GALNT17: variants seen among roughly 807,000 people sequenced by gnomAD.
The protein encoded by GALNT17 is UDP-GalNAc:polypeptide N-acetylgalactosaminyltransferase-like 3.
GALNT17 carries 29 observed loss-of-function variants against 63.7 expected under a neutral mutation model. The ratio of observed to expected loss-of-function variants is 0.46; its 90% confidence interval spans 0.34 to 0.62. The LOEUF is 0.62. Ranked by LOEUF, GALNT17 falls within the 20% of genes least tolerant of loss-of-function variation. The pLI, the probability that GALNT17 is intolerant of heterozygous loss-of-function variation, is 0.01. For missense variants in GALNT17, 603 were observed against 799.6 expected (o/e 0.75, Z 2.97); for synonymous variants, 305 against 318.3 (o/e 0.96, Z 0.45).
intron 1 of GALNT17, among the ~76,000 whole-genome samples, chr7:71,194,420 G>A (rs1413482241): frequency 2.0e-5 from 3 of 152,186 alleles, no homozygotes; most frequent in African/African-American, 7.2e-5. Flanking sequence ...TAAGAAAAGG[G>A]TAGGGGAGTT....
chr7:71,215,978 G>A (rs1789469639), intron 1 of GALNT17, among the ~76,000 whole-genome samples: 1 of 152,060 alleles, frequency 6.6e-6, no homozygotes, highest in African/African-American at 2.4e-5. Context: ...TCAGGCTGAG[G>A]CAGGAGGATT....
intron 3 of GALNT17, among the ~76,000 whole-genome samples, chr7:71,412,376 T>C (rs79669363): frequency 0.043 from 5,089 of 119,728 alleles, 152 homozygotes; most frequent in East Asian, 0.14. Context: ...ATCATCTCCC[T>C]TTTTTTTTTT....
intron 6 of GALNT17, among the ~76,000 whole-genome samples, chr7:71,654,321 G>T (rs751165949): frequency 6.6e-6 from 1 of 152,148 alleles, no homozygotes; most frequent in East Asian, 1.9e-4. Context: ...CACTGCGCCC[G>T]GCCGGCTGGA....
intron 1 of GALNT17, among the ~76,000 whole-genome samples, chr7:71,165,458 C>T (rs182442469): frequency 1.9e-4 from 24 of 128,770 alleles, no homozygotes; most frequent in Non-Finnish European, 3.8e-4. Context: ...TTTCACATGG[C>T]GACAGACAAG....
chr7:71,217,217 C>T lies in GALNT17; in HGVS notation c.238+84177C>T, dbSNP rs185447630. Reference sequence around the variant, plus strand: ...GGCTGGTCTTGAACTCCCATATGATCGCCCACCTTGGCCTCCCAAAGTGCT... The same window carrying T: ...GGCTGGTCTTGAACTCCCATATGATTGCCCACCTTGGCCTCCCAAAGTGCT... On this transcript the variant is annotated intron_variant, in intron 1 of 10. Coordinates refer to ENST00000333538, the MANE Select transcript of GALNT17 (RefSeq NM_022479.3). Among the ~76,000 whole-genome samples, 467 of 141,694 alleles carry T rather than the reference C, an allele frequency of 3.3e-3. 2 individuals carry two copies. The highest frequency in any genetic ancestry group is 0.012 in the African/African-American group (446 of 38,034). 93.0% of individuals were successfully genotyped at this position (141,694 alleles called of 152,430 possible).
chr7:71,468,750 G>C (rs537727495), intron 5 of GALNT17, among the ~76,000 whole-genome samples: 2 of 152,110 alleles, frequency 1.3e-5, no homozygotes, highest in East Asian at 3.9e-4. Flanking sequence ...GGGTGTTTGC[G>C]ATGGTGTCTG....
At chr7:71,139,704 G>A (rs376461919) in intron 1 of GALNT17, among the ~76,000 whole-genome samples, 1 of 152,036 alleles carries the variant, frequency 6.6e-6, no homozygotes, top group Non-Finnish European at 1.5e-5. Flanking sequence ...AGAAAGAGAG[G>A]AATGGTGGCC....
intron 1 of GALNT17, among the ~76,000 whole-genome samples, chr7:71,246,147 A>C (rs1455989457): frequency 8.6e-6 from 1 of 116,834 alleles, no homozygotes; most frequent in African/African-American, 3.4e-5. Context: ...TTTGAGACAG[A>C]GGCTTGCTCT....
At chr7:71,139,871 T>C (rs1358714132) in intron 1 of GALNT17, among the ~76,000 whole-genome samples, 1 of 152,122 alleles carries the variant, frequency 6.6e-6, no homozygotes, top group Non-Finnish European at 1.5e-5. Flanking sequence ...CGGGCATCTG[T>C]AATCCCAGCT....
intron 5 of GALNT17, among the ~76,000 whole-genome samples, chr7:71,566,681 T>C (rs1789353318): frequency 6.6e-6 from 1 of 151,524 alleles, no homozygotes. Flanking sequence ...TTTTTTTTTT[T>C]TCCTGCTCTG....
At chr7:71,332,168 T>G (rs760732370) in intron 1 of GALNT17, among the ~76,000 whole-genome samples, 5 of 152,180 alleles carry the variant, frequency 3.3e-5, no homozygotes, top group Non-Finnish European at 5.9e-5. Flanking sequence ...TTCTCTGATC[T>G]CTGGAGACTG....
At chr7:71,514,811 C>A (rs1314404001) in intron 5 of GALNT17, among the ~76,000 whole-genome samples, 2 of 152,164 alleles carry the variant, frequency 1.3e-5, no homozygotes, top group African/African-American at 4.8e-5. Context: ...CAGAGCCTGA[C>A]CACCTGATAT....
rs770577978 is a variant in GALNT17 at position 71,388,904 on chromosome 7, A to T, written c.589+503A>T. ...GAGTCCTCTAGAGCAGGGGTCCCCA[A>T]CCCCAGGGCCATGGACCAATAGCAG... is the stretch of plus-strand genomic sequence containing the variant. On this transcript the variant is annotated intron_variant, in intron 3 of 10. Transcript: ENST00000333538. Among the ~76,000 whole-genome samples the T allele has an allele frequency of 2.0e-5, 3 of 152,016 alleles. No homozygotes were observed. The East Asian group carries it at 5.8e-4, about 29-fold the overall frequency.
chr7:71,150,977 CAAAA>C (rs34934868), intron 1 of GALNT17, among the ~76,000 whole-genome samples: 15 of 103,032 alleles, frequency 1.5e-4, no homozygotes, highest in Non-Finnish European at 2.0e-4. Flanking sequence ...ACCCTGACTT[CAAAA>C]AAAAAAAAAA....
intron 9 of GALNT17, among the ~76,000 whole-genome samples, chr7:71,694,549 C>T (rs1381211189): frequency 1.3e-5 from 2 of 152,052 alleles, no homozygotes; most frequent in South Asian, 2.1e-4. Context: ...ATGTGCACCA[C>T]CACGTTCAGT....
At chr7:71,472,698 A>T (rs1408324432) in intron 5 of GALNT17, among the ~76,000 whole-genome samples, 1 of 152,096 alleles carries the variant, frequency 6.6e-6, no homozygotes, top group Non-Finnish European at 1.5e-5. Flanking sequence ...AACTAAACTA[A>T]ACTAAACTAA....
At chr7:71,466,411 A>G (rs1787536276) in intron 5 of GALNT17, among the ~76,000 whole-genome samples, 2 of 152,220 alleles carry the variant, frequency 1.3e-5, no homozygotes, top group South Asian at 4.1e-4. Flanking sequence ...CCAACTTCCA[A>G]CTTCACTCTG....
intron 1 of GALNT17, among the ~76,000 whole-genome samples, chr7:71,202,054 CATATT>C (rs1269082806): frequency 6.6e-6 from 1 of 152,184 alleles, no homozygotes; most frequent in Non-Finnish European, 1.5e-5. Flanking sequence ...TTGTTTCAAA[CATATT>C]ATAATGTTCA....
intron 1 of GALNT17, among the ~76,000 whole-genome samples, chr7:71,217,151 T>TG (rs1554340019): frequency 1.3e-5 from 2 of 149,382 alleles, no homozygotes; most frequent in Non-Finnish European, 3.0e-5. Context: ...TTTTGTTTTT[T>TG]TTTTTTTTTT....
Sources: allele counts gnomAD v4.1 joint callset (sites outside exome capture counted in the v4.1 genomes callset), GRCh38; gene constraint gnomAD v4.1.1; transcripts MANE v1.5; gene names NCBI Gene and HGNC (gene_info 2026-07-23, HGNC 2026-07-21).